LHFPL3: variants seen among roughly 807,000 people sequenced by gnomAD.
LHFPL3 encodes LHFPL tetraspan subfamily member 3.
A neutral mutation model predicts 19.3 loss-of-function variants in LHFPL3; 5 were observed. The observed-to-expected ratio is 0.26, with a 90% CI of 0.14 to 0.54. The LOEUF is 0.54. LHFPL3 is among the 20% of genes least tolerant of loss of function. The pLI, the probability that LHFPL3 is intolerant of heterozygous loss-of-function variation, is 0.94. For missense variants in LHFPL3, 249 were observed against 307.4 expected (o/e 0.81, Z 1.42); for synonymous variants, 133 against 126.2 (o/e 1.05, Z -0.36).
chr7:104,703,789 T>A (rs1229352762), intron 1 of LHFPL3, among the ~76,000 whole-genome samples: 2 of 152,214 alleles, frequency 1.3e-5, no homozygotes, highest in Non-Finnish European at 2.9e-5. Flanking sequence ...CATACTTCAT[T>A]TTTTTCTTCT....
chr7:104,835,251 A>T (rs1791068504), intron 2 of LHFPL3, among the ~76,000 whole-genome samples: 1 of 151,920 alleles, frequency 6.6e-6, no homozygotes, highest in Non-Finnish European at 1.5e-5. Flanking sequence ...GCTTAGTATG[A>T]TGCACAGAGT....
At chr7:104,703,994 T>C (rs1343313085) in intron 1 of LHFPL3, among the ~76,000 whole-genome samples, 1 of 152,210 alleles carries the variant, frequency 6.6e-6, no homozygotes, top group Admixed American at 6.5e-5. Flanking sequence ...ATTTTATTTG[T>C]CTACTCATCT....
In LHFPL3 at chr7:104,358,411, G is replaced by A. The variant is rs1790328351; in HGVS notation, c.445+29187G>A. On this transcript the variant is annotated intron_variant, in intron 1 of 2. Transcript: ENST00000424859. ...ACATACTTCTCTTTGGGGGTCAGTAGGGTGTAATTTAAAAGTGTCAGTTTC... is the reference window on the plus strand; with the variant it reads ...ACATACTTCTCTTTGGGGGTCAGTAAGGTGTAATTTAAAAGTGTCAGTTTC... Among the ~76,000 whole-genome samples the A allele has an allele frequency of 2.0e-5, 3 of 152,180 alleles. No individual in the cohort carries two copies. The South Asian group carries it at 6.2e-4, about 32-fold the overall frequency.
At chr7:104,847,046 G>C (rs1791326036) in intron 2 of LHFPL3, among the ~76,000 whole-genome samples, 1 of 152,206 alleles carries the variant, frequency 6.6e-6, no homozygotes, top group South Asian at 2.1e-4. Flanking sequence ...GAAGAACAAG[G>C]GCAGGAAGAA....
chr7:104,352,008 A>G (rs966767255), intron 1 of LHFPL3, among the ~76,000 whole-genome samples: 1 of 152,070 alleles, frequency 6.6e-6, no homozygotes, highest in Admixed American at 6.6e-5. Context: ...AAACCAACCC[A>G]GGCAACATAA....
At chr7:104,366,272 G>A (rs1005720606) in intron 1 of LHFPL3, among the ~76,000 whole-genome samples, 2 of 152,166 alleles carry the variant, frequency 1.3e-5, no homozygotes, top group African/African-American at 2.4e-5. Flanking sequence ...AATGGAGCAG[G>A]AATTGCACTA....
chr7:104,840,246 C>T (rs1791171128), intron 2 of LHFPL3, among the ~76,000 whole-genome samples: 1 of 150,700 alleles, frequency 6.6e-6, no homozygotes, highest in South Asian at 2.1e-4. Flanking sequence ...AAAGACTTCT[C>T]AATTAAAAAT....
In LHFPL3 at chr7:104,474,134, C is replaced by T. The variant is rs542907980; in HGVS notation, c.445+144910C>T. Among the ~76,000 whole-genome samples the T allele has an allele frequency of 3.3e-5, 5 of 152,298 alleles. No individual in the cohort carries two copies. The East Asian group carries it at 9.7e-4, about 29-fold the overall frequency. ...TATATAAAATGAATTCAAAGACCTC[C>T]TGCTTCTACCCAAGTCCACCAATTG... On this transcript the variant is annotated intron_variant, in intron 1 of 2. Transcript: ENST00000424859.
intron 1 of LHFPL3, among the ~76,000 whole-genome samples, chr7:104,498,939 G>A (rs1255419340): frequency 6.6e-6 from 1 of 152,132 alleles, no homozygotes; most frequent in Non-Finnish European, 1.5e-5. Flanking sequence ...TTCTTCCTTT[G>A]AAGACCAATT....
intron 1 of LHFPL3, among the ~76,000 whole-genome samples, chr7:104,567,058 A>G (rs1790137498): frequency 6.6e-6 from 1 of 152,200 alleles, no homozygotes; most frequent in South Asian, 2.1e-4. Flanking sequence ...CAGGACAGCT[A>G]TATATTTTCC....
At chr7:104,337,529 A>G (rs1188573683) in intron 1 of LHFPL3, among the ~76,000 whole-genome samples, 1 of 152,148 alleles carries the variant, frequency 6.6e-6, no homozygotes, top group Non-Finnish European at 1.5e-5. Context: ...GAGAGATACT[A>G]GATGTATGGC....
chr7:104,353,428 T>C (rs964040304), intron 1 of LHFPL3, among the ~76,000 whole-genome samples: 5 of 152,234 alleles, frequency 3.3e-5, no homozygotes, highest in African/African-American at 1.2e-4. Flanking sequence ...TTAGTCTTTT[T>C]ATATTTATAT....
chr7:104,785,044 T>C (rs532595091), intron 2 of LHFPL3, among the ~76,000 whole-genome samples: 2 of 152,334 alleles, frequency 1.3e-5, no homozygotes, highest in South Asian at 4.1e-4. Context: ...TAAAAATGAT[T>C]AAGATGGTAA....
intron 1 of LHFPL3, among the ~76,000 whole-genome samples, chr7:104,418,106 C>T (rs979104034): frequency 2.0e-5 from 3 of 152,042 alleles, no homozygotes; most frequent in Non-Finnish European, 2.9e-5. Flanking sequence ...GAACTCCTGA[C>T]CTCAGGTGAT....
chr7:104,893,634 G>A (rs1400348090), intron 2 of LHFPL3, among the ~76,000 whole-genome samples: 4 of 152,124 alleles, frequency 2.6e-5, no homozygotes, highest in Non-Finnish European at 5.9e-5. Context: ...AGTACATTCA[G>A]AGCATTTACA....
At chr7:104,793,279 G>A (rs1378644625) in intron 2 of LHFPL3, among the ~76,000 whole-genome samples, 1 of 152,066 alleles carries the variant, frequency 6.6e-6, no homozygotes, top group East Asian at 1.9e-4. Context: ...TCACCTCCTG[G>A]ACAAAAGAGG....
intron 1 of LHFPL3, among the ~76,000 whole-genome samples, chr7:104,376,052 A>G (rs797014041): frequency 1.3e-5 from 2 of 152,208 alleles, no homozygotes; most frequent in South Asian, 4.1e-4. Flanking sequence ...ATCCTTATGC[A>G]GGTTGAAATT....
chr7:104,469,216 A>G (rs1792855874), intron 1 of LHFPL3, among the ~76,000 whole-genome samples: 1 of 152,194 alleles, frequency 6.6e-6, no homozygotes, highest in South Asian at 2.1e-4. Flanking sequence ...ACAGAAAAGC[A>G]TTGTCCTGAT....
rs893610992 is a variant in LHFPL3 at position 104,365,801 on chromosome 7, A to AAAAAAAAAAAAAAAAAG, written c.445+36581_445+36582insAAAAAAAAAAAAGAAAA. Reference sequence around the variant, plus strand: ...AGACTCCGTCTCAAAAAAAAAAAAAAAAAAGAAAAGCCTCTTTCCAGCTAG... The same window carrying AAAAAAAAAAAAAAAAAG: ...AGACTCCGTCTCAAAAAAAAAAAAAAAAAAAAAAAAAAAAAAGAAAAGAAAAGCCTCTTTCCAGCTAG... On this transcript the variant is annotated intron_variant, in intron 1 of 2. Transcript: ENST00000424859. Among the ~76,000 whole-genome samples, 33 of 142,210 alleles carry AAAAAAAAAAAAAAAAAG rather than the reference A, an allele frequency of 2.3e-4. 1 individual carries two copies. Among genetic ancestry groups the AAAAAAAAAAAAAAAAAG allele is most frequent in the Non-Finnish European group, 4.2e-4 (27 of 64,730 alleles). 93.3% of individuals were successfully genotyped at this position (142,210 alleles called of 152,430 possible). A position where few individuals can be genotyped will look rare whatever the true frequency, so the allele number is the denominator to read the frequency against.
Sources: allele counts gnomAD v4.1 joint callset (sites outside exome capture counted in the v4.1 genomes callset), GRCh38; gene constraint gnomAD v4.1.1; transcripts MANE v1.5; gene names NCBI Gene and HGNC (gene_info 2026-07-23, HGNC 2026-07-21).